The following KCNK5 variants were observed in gnomAD, a reference collection of about 807,000 sequenced individuals.
The protein encoded by KCNK5 is potassium channel subfamily K member 5.
A neutral mutation model predicts 32.9 loss-of-function variants in KCNK5; 18 were observed. The ratio of observed to expected loss-of-function variants is 0.55; its 90% CI spans 0.38 to 0.81. KCNK5 has a LOEUF of 0.81. KCNK5 is among the 30% of genes least tolerant of loss of function. The pLI is 0.00. For missense variants in KCNK5, 507 were observed against 651.0 expected (o/e 0.78, Z 2.41); for synonymous variants, 276 against 275.3 (o/e 1.00, Z -0.03).
At chr6:39,205,233 T>C (rs925036775) in intron 1 of KCNK5, among the ~76,000 whole-genome samples, 1 of 152,136 alleles carries the variant, frequency 6.6e-6, no homozygotes, top group African/African-American at 2.4e-5. Flanking sequence ...TGGAAATCCC[T>C]GTGCGGGCAG....
chr6:39,199,324 T>C (rs1771086874), intron 1 of KCNK5, among the ~76,000 whole-genome samples: 1 of 151,984 alleles, frequency 6.6e-6, no homozygotes, highest in Non-Finnish European at 1.5e-5. Context: ...AGTTTGGGAG[T>C]GGGGAGAGGT....
intron 1 of KCNK5, among the ~76,000 whole-genome samples, chr6:39,214,418 C>T (rs555272741): frequency 1.3e-4 from 20 of 152,264 alleles, no homozygotes; most frequent in South Asian, 1.0e-3. Context: ...GAATCTGGCC[C>T]GGCAGGACAC....
At position 39,190,913 on chromosome 6, in the gene KCNK5, C is replaced by T; in HGVS notation, c.1477G>A (p.Ala493Thr). Residue 493 changes from alanine (A) to threonine (T), a missense_variant, in exon 5 of 5, where the codon GCT (alanine) becomes ACT (threonine). Physicochemically the swap from Ala to Thr is moderately conservative, Grantham distance 58. This residue lies in a region of KCNK5 where 252 missense variants were observed against 250.8 expected (regional missense o/e 1.00). Transcript: ENST00000359534. ...CCTCATGTGCCCTTGGGGCTGTTAGCCTTGTTGTACTCATTCATCAGCTGT... is the reference window on the plus strand; with the variant it reads ...CCTCATGTGCCCTTGGGGCTGTTAGTCTTGTTGTACTCATTCATCAGCTGT... ...YEQLMNEYNK[A>T]NSPKGT 6.8e-7 allele frequency: 1 copy of T among 1,477,288 alleles called. No individual in the cohort carries two copies. The highest frequency in any genetic ancestry group is 9.0e-7 in the Non-Finnish European group (1 of 1,114,094). The allele number at this position is 1,477,288 out of a possible 1,614,324, so 91.5% of individuals were successfully genotyped here.
At chr6:39,213,053 G>A (rs577606461) in intron 1 of KCNK5, among the ~76,000 whole-genome samples, 28 of 152,282 alleles carry the variant, frequency 1.8e-4, no homozygotes, top group African/African-American at 6.5e-4. Flanking sequence ...ACCCAGATCT[G>A]CAGTGCTCAA....
intron 2 of KCNK5, 77 bp downstream of exon 2, chr6:39,195,799 C>G: frequency 2.0e-6 from 2 of 980,388 alleles, no homozygotes; most frequent in Non-Finnish European, 3.2e-6. Flanking sequence ...GGCTGAGTGA[C>G]CAGAGCTGGG....
intron 1 of KCNK5, among the ~76,000 whole-genome samples, chr6:39,199,518 C>T (rs1370787630): frequency 6.6e-6 from 1 of 152,226 alleles, no homozygotes; most frequent in Non-Finnish European, 1.5e-5. Context: ...GAGCCCCTAA[C>T]TCCCCGGGGC....
At position 39,228,979 on chromosome 6, in the gene KCNK5, G is replaced by A. The variant is rs767695396; in HGVS notation, c.133C>T (p.Leu45=). Reference sequence around the variant, plus strand: ...CCCAGGCACGGGAACTCCTTGAGCAGATGCAGCTTCTGTGTGTAGTAGTTT... The same window carrying A: ...CCCAGGCACGGGAACTCCTTGAGCAAATGCAGCTTCTGTGTGTAGTAGTTT... ...KKNYYTQKLH[L]LKEFPCLGQE... The change falls in exon 1 of 5, where the codon CTG becomes TTG. Residue 45 remains leucine (L), a synonymous_variant. Coordinates refer to ENST00000359534, the MANE Select transcript of KCNK5 (RefSeq NM_003740.4). The A allele has an allele frequency of 6.2e-7, 1 of 1,614,218 alleles. No homozygotes were observed. Among genetic ancestry groups the A allele is most frequent in the East Asian group, 2.2e-5 (1 of 44,878 alleles).
chr6:39,221,767 A>G (rs917366249), intron 1 of KCNK5, among the ~76,000 whole-genome samples: 10 of 152,148 alleles, frequency 6.6e-5, no homozygotes, highest in Admixed American at 5.9e-4. Flanking sequence ...CCACAGGCCA[A>G]GGAGTTTGGC....
At position 39,228,911 on chromosome 6, in the gene KCNK5, C is replaced by G; in HGVS notation, c.186+15G>C. ...CCAGCTTCAGATGTATATGGGGGTA[C>G]AGGCGGCGACTGACCTCTAGGATCT... On this transcript the variant is annotated intron_variant, in intron 1 of 4. Transcript: ENST00000359534. The G allele has an allele frequency of 6.2e-7, 1 of 1,613,478 alleles. No individual in the cohort carries two copies. The highest frequency in any genetic ancestry group is 1.6e-4 in the Middle Eastern group (1 of 6,062).
chr6:39,211,040 A>T (rs1042369842), intron 1 of KCNK5, among the ~76,000 whole-genome samples: 1 of 152,060 alleles, frequency 6.6e-6, no homozygotes, highest in African/African-American at 2.4e-5. Context: ...AACCTGGAAA[A>T]CTGAAAATTT....
intron 1 of KCNK5, among the ~76,000 whole-genome samples, chr6:39,222,517 G>T (rs1192001761): frequency 1.3e-5 from 2 of 152,176 alleles, no homozygotes; most frequent in Non-Finnish European, 2.9e-5. Flanking sequence ...AAAATTTGAT[G>T]GAGTTCAAAT....
chr6:39,204,392 G>C (rs1033620468), intron 1 of KCNK5, among the ~76,000 whole-genome samples: 1 of 152,234 alleles, frequency 6.6e-6, no homozygotes, highest in Non-Finnish European at 1.5e-5. Context: ...GAGGAGGTTG[G>C]ACTATGACTA....
chr6:39,198,279 G>A (rs78483469), intron 1 of KCNK5, among the ~76,000 whole-genome samples: 1 of 152,204 alleles, frequency 6.6e-6, no homozygotes, highest in African/African-American at 2.4e-5. Context: ...AACCCTAGGA[G>A]GTATTGATCA....
rs1254067459 is a variant in KCNK5, at chr6:39,194,794, G to T, written c.299-34C>A. 1.2e-6 allele frequency: 2 copies of T among 1,606,514 alleles called. No individual in the cohort carries two copies. Among genetic ancestry groups the T allele is most frequent in the African/African-American group, 2.7e-5 (2 of 74,736 alleles). On this transcript the variant is annotated intron_variant, in intron 2 of 4. Coordinates refer to ENST00000359534, the MANE Select transcript of KCNK5 (RefSeq NM_003740.4). The surrounding 1 kb of genome is among the most constrained non-coding windows in gnomAD (Gnocchi z 4.7). ...GGAGAGAGTGAGGCCAAGAACAGGA[G>T]GGGTGGTCAAACCAGTGGGCCTTGC...
intron 1 of KCNK5, among the ~76,000 whole-genome samples, chr6:39,228,324 C>T (rs1036643452): frequency 2.0e-5 from 3 of 152,318 alleles, no homozygotes; most frequent in African/African-American, 7.2e-5. Flanking sequence ...GAAGCCTGAG[C>T]GCGTCCCCAG....
intron 1 of KCNK5, among the ~76,000 whole-genome samples, chr6:39,203,649 C>A (rs536776962): frequency 3.3e-5 from 5 of 152,204 alleles, no homozygotes; most frequent in Admixed American, 3.3e-4. Flanking sequence ...CCCCACCCAG[C>A]GTGAACATGA....
intron 1 of KCNK5, among the ~76,000 whole-genome samples, chr6:39,213,900 C>T (rs544675797): frequency 2.0e-5 from 3 of 152,178 alleles, no homozygotes; most frequent in African/African-American, 7.2e-5. Context: ...GTGGTGTGGG[C>T]CTGTAATCCC....
chr6:39,190,578 A>T lies in KCNK5; in HGVS notation c.*312T>A. On this transcript the variant is annotated 3_prime_UTR_variant, in exon 5 of 5. Coordinates refer to ENST00000359534, the MANE Select transcript of KCNK5 (RefSeq NM_003740.4). Reference sequence around the variant, plus strand: ...CCAAATGGTGAGACAAAGACCCTGCAGGCAAGGCCTCCTCAGGGTCAGTCC... The same window carrying T: ...CCAAATGGTGAGACAAAGACCCTGCTGGCAAGGCCTCCTCAGGGTCAGTCC... 1 of 257,456 alleles carries T rather than the reference A, an allele frequency of 3.9e-6. No homozygotes were observed. Among genetic ancestry groups the T allele is most frequent in the Non-Finnish European group, 7.4e-6 (1 of 135,578 alleles). The allele number at this position is 257,456 out of a possible 1,614,324, so 15.9% of individuals were successfully genotyped here.
chr6:39,202,917 C>G (rs1771155473), intron 1 of KCNK5, among the ~76,000 whole-genome samples: 1 of 152,184 alleles, frequency 6.6e-6, no homozygotes, highest in South Asian at 2.1e-4. Context: ...GCCTCTCAGC[C>G]TTACTTTCTC....
Sources: allele counts gnomAD v4.1 joint callset (sites outside exome capture counted in the v4.1 genomes callset), GRCh38; gene constraint gnomAD v4.1.1; regional missense constraint gnomAD v4.1.1; non-coding constraint Gnocchi (gnomAD v3.1); transcripts MANE v1.5; gene names NCBI Gene and HGNC (gene_info 2026-07-23, HGNC 2026-07-21).